The following ZBTB7C variants were observed in gnomAD, a reference collection of about 807,000 sequenced individuals.
The protein encoded by ZBTB7C is zinc finger and BTB domain-containing protein 7C.
A neutral mutation model predicts 25.7 loss-of-function variants in ZBTB7C; 8 were observed. The observed-to-expected ratio is 0.31, with a 90% confidence interval of 0.18 to 0.56. The LOEUF is 0.56. ZBTB7C is among the 20% of genes least tolerant of loss of function. ZBTB7C has a pLI of 0.91. For missense variants in ZBTB7C, 824 were observed against 855.2 expected, an observed-to-expected ratio of 0.96 and a Z score of 0.46; for synonymous variants, 394 against 369.0, an observed-to-expected ratio of 1.07 and a Z score of -0.78.
chr18:48,282,680 C>T (rs765002995), intron 2 of ZBTB7C, among the ~76,000 whole-genome samples: 1 of 152,132 alleles, frequency 6.6e-6, no homozygotes. Flanking sequence ...TGAGAATGTA[C>T]AAATTACAAC....
At chr18:48,188,347 C>T (rs1415911782) in intron 2 of ZBTB7C, among the ~76,000 whole-genome samples, 1 of 152,202 alleles carries the variant, frequency 6.6e-6, no homozygotes, top group Non-Finnish European at 1.5e-5. Flanking sequence ...ACACATCCTT[C>T]TTCACATAGT....
At position 48,027,871 on chromosome 18, in the gene ZBTB7C, C is replaced by T. The variant is rs769817247; in HGVS notation, c.*1389G>A. On this transcript the variant is annotated 3_prime_UTR_variant, in exon 5 of 5. Transcript: ENST00000590800. ...CAGGAAGGCACGGGGCCAGCAGAGCCTTCCTTTTCAGGACCTGCTGCAAAT... is the reference window on the plus strand; with the variant it reads ...CAGGAAGGCACGGGGCCAGCAGAGCTTTCCTTTTCAGGACCTGCTGCAAAT... 1.3e-5 allele frequency: 2 copies of T among 152,258 alleles called. No homozygotes were observed. Among genetic ancestry groups the T allele is most frequent in the African/African-American group, 2.4e-5 (1 of 41,434 alleles). The allele number at this position is 152,258 out of a possible 1,614,324, so 9.4% of individuals were successfully genotyped here. A position where few individuals can be genotyped will look rare whatever the true frequency, so the allele number is the denominator to read the frequency against.
At chr18:48,291,551 C>A (rs902107220) in intron 2 of ZBTB7C, among the ~76,000 whole-genome samples, 1 of 152,260 alleles carries the variant, frequency 6.6e-6, no homozygotes, top group South Asian at 2.1e-4. Flanking sequence ...GCGTATCCAC[C>A]GGGACAGGCA....
At position 48,040,862 on chromosome 18, in the gene ZBTB7C, A is replaced by G; in HGVS notation, c.246T>C (p.Pro82=). ...ACTCCAGGATAGCAGCCAGAGCCTC[A>G]GGCTGGACAAAGTCGATCTCATAGA... is the stretch of plus-strand genomic sequence containing the variant. ...PYVYEIDFVQ[P]EALAAILEFA... is the part of the protein sequence containing the mutation. The change falls in exon 4 of 5, where the codon CCT becomes CCC. Residue 82 remains proline, a synonymous_variant. Transcript: ENST00000590800. The G allele has an allele frequency of 6.2e-7, 1 of 1,614,110 alleles. No individual in the cohort carries two copies. Among genetic ancestry groups the G allele is most frequent in the South Asian group, 1.1e-5 (1 of 91,078 alleles).
intron 3 of ZBTB7C, among the ~76,000 whole-genome samples, chr18:48,097,874 A>G (rs1395395121): frequency 6.6e-6 from 1 of 151,420 alleles, no homozygotes. Flanking sequence ...TTTACTTACA[A>G]GCATCTTTTT....
At chr18:48,115,637 C>G (rs1369752030) in intron 3 of ZBTB7C, among the ~76,000 whole-genome samples, 1 of 152,148 alleles carries the variant, frequency 6.6e-6, no homozygotes, top group Non-Finnish European at 1.5e-5. Flanking sequence ...TTGTTTCTAC[C>G]TTTTGGCTAT....
At chr18:48,072,934 C>T (rs1770070322) in intron 3 of ZBTB7C, among the ~76,000 whole-genome samples, 1 of 152,296 alleles carries the variant, frequency 6.6e-6, no homozygotes, top group Non-Finnish European at 1.5e-5. Flanking sequence ...GAGTTCCCTT[C>T]CCCCTCCAGG....
intron 3 of ZBTB7C, among the ~76,000 whole-genome samples, chr18:48,129,081 C>T (rs567769001): frequency 2.0e-5 from 3 of 152,004 alleles, no homozygotes; most frequent in South Asian, 4.2e-4. Context: ...GGGATGATTT[C>T]GGAACACAGA....
intron 2 of ZBTB7C, among the ~76,000 whole-genome samples, chr18:48,286,233 C>CGT (rs59121430): frequency 0.12 from 17,116 of 145,432 alleles, 1,050 homozygotes; most frequent in Admixed American, 0.16. Context: ...AAGAGGTGTG[C>CGT]GTGTGTGTGT....
intron 3 of ZBTB7C, among the ~76,000 whole-genome samples, chr18:48,136,502 C>CT (rs1343023747): frequency 2.6e-5 from 4 of 152,332 alleles, no homozygotes; most frequent in African/African-American, 9.6e-5. Flanking sequence ...GTTGCCATGG[C>CT]TTTTGTCCCC....
chr18:48,296,166 C>A (rs2045383463), intron 2 of ZBTB7C, among the ~76,000 whole-genome samples: 1 of 152,186 alleles, frequency 6.6e-6, no homozygotes, highest in Non-Finnish European at 1.5e-5. Context: ...CCTGCCCAAC[C>A]TCTCACCACC....
At chr18:48,185,379 T>C in intron 3 of ZBTB7C, 1 of 420,326 alleles carries the variant, frequency 2.4e-6, no homozygotes, top group Non-Finnish European at 4.7e-6. Flanking sequence ...TGAACTGGAC[T>C]GAAAGCTCCT....
chr18:48,080,066 G>A (rs188452907), intron 3 of ZBTB7C, among the ~76,000 whole-genome samples: 27 of 152,354 alleles, frequency 1.8e-4, no homozygotes, highest in Admixed American at 9.8e-4. Context: ...GCAGAATGGC[G>A]CCTTTGGGGC....
At chr18:48,180,626 A>T (rs941970212) in intron 3 of ZBTB7C, 5 of 308,564 alleles carry the variant, frequency 1.6e-5, no homozygotes, top group Non-Finnish European at 3.2e-5. Context: ...AGGGCAAGTA[A>T]GTGGGAGGGT....
chr18:48,402,865 CT>C (rs2048193238), intron 1 of ZBTB7C, among the ~76,000 whole-genome samples: 1 of 152,162 alleles, frequency 6.6e-6, no homozygotes, highest in Admixed American at 6.5e-5. Context: ...TATTATGAGT[CT>C]TATTGCTTTA....
chr18:48,331,157 G>A (rs149915573), intron 2 of ZBTB7C, among the ~76,000 whole-genome samples: 26 of 152,110 alleles, frequency 1.7e-4, no homozygotes, highest in African/African-American at 5.5e-4. Flanking sequence ...ATGATTTCCC[G>A]AAGGACAGGG....
At chr18:48,262,154 A>G (rs1004935226) in intron 2 of ZBTB7C, among the ~76,000 whole-genome samples, 1 of 152,238 alleles carries the variant, frequency 6.6e-6, no homozygotes, top group Non-Finnish European at 1.5e-5. Flanking sequence ...CTCATTGTAC[A>G]GCTGGGGAAA....
chr18:48,112,971 T>C (rs2039300599), intron 3 of ZBTB7C, among the ~76,000 whole-genome samples: 1 of 152,200 alleles, frequency 6.6e-6, no homozygotes, highest in South Asian at 2.1e-4. Flanking sequence ...CAGAGAAAAG[T>C]AACACAAGTT....
intron 3 of ZBTB7C, among the ~76,000 whole-genome samples, chr18:48,126,457 C>T (rs1294508574): frequency 6.6e-6 from 1 of 152,190 alleles, no homozygotes; most frequent in Non-Finnish European, 1.5e-5. Flanking sequence ...AATCCAATCA[C>T]CTGGAACTGA....
Sources: allele counts gnomAD v4.1 joint callset (sites outside exome capture counted in the v4.1 genomes callset), GRCh38; gene constraint gnomAD v4.1.1; transcripts MANE v1.5; gene names NCBI Gene and HGNC (gene_info 2026-07-23, HGNC 2026-07-21).